Variants in EGFL7 observed in about 807,000 individuals in gnomAD.
EGFL7 encodes EGF like domain multiple 7.
In EGFL7, 48 loss-of-function variants were observed where a neutral mutation model predicts 37.1. The ratio of observed to expected loss-of-function variants is 1.29; its 90% CI spans 1.03 to 1.65. EGFL7 has a LOEUF of 1.65. Ranked by LOEUF, EGFL7 falls within the 40% of genes most tolerant of loss-of-function variation. The pLI is 0.00. For missense variants in EGFL7, 384 were observed against 378.9 expected (o/e 1.01, Z -0.11); for synonymous variants, 180 against 156.8 (o/e 1.15, Z -1.10).
upstream of EGFL7, among the ~76,000 whole-genome samples, chr9:136,659,908 C>A (rs1845033065): frequency 6.6e-6 from 1 of 152,204 alleles, no homozygotes; most frequent in Non-Finnish European, 1.5e-5. Context: ...CCAGGTCTCC[C>A]CCTCTGTGCT....
intron 6 of EGFL7, 78 bp downstream of exon 6, chr9:136,669,799 T>A: frequency 6.9e-7 from 1 of 1,451,668 alleles, no homozygotes; most frequent in Non-Finnish European, 9.3e-7. Flanking sequence ...CCTGCTGCTT[T>A]TCTTGAACCC....
chr9:136,672,283 G>A lies in EGFL7; in HGVS notation c.819G>A (p.Ser273=), dbSNP rs148608089. The change falls in exon 11 of 11, where the codon TCG becomes TCA. Residue 273 remains serine, a synonymous_variant. Coordinates refer to ENST00000308874, the MANE Select transcript of EGFL7 (RefSeq NM_016215.5). ...QLGSCSCKKD[S] Reference sequence around the variant, plus strand: ...CCCTAGGCTCCTGCAAGAAAGACTCGTGACTGCCCAGCGCCCCAGGCTGGA... The same window carrying A: ...CCCTAGGCTCCTGCAAGAAAGACTCATGACTGCCCAGCGCCCCAGGCTGGA... 2.1e-4 allele frequency: 342 copies of A among 1,613,332 alleles called. No homozygotes were observed. Among genetic ancestry groups the A allele is most frequent in the Middle Eastern group, 3.3e-4 (2 of 6,062 alleles).
At chr9:136,665,453 C>A (rs147182274) in intron 3 of EGFL7, among the ~76,000 whole-genome samples, 1 of 152,244 alleles carries the variant, frequency 6.6e-6, no homozygotes, top group African/African-American at 2.4e-5. Flanking sequence ...CCCGCAGCCC[C>A]GTCAGTGTGG....
At chr9:136,671,876 G>A (rs1339368083) in intron 9 of EGFL7, 50 bp from the exon 10 acceptor site, 1 of 1,448,798 alleles carries the variant, frequency 6.9e-7, no homozygotes, top group Non-Finnish European at 9.1e-7. Flanking sequence ...CCCCGGTGGA[G>A]CAGAGAGGGC....
chr9:136,672,408 C>CCTTCCTCCT lies in EGFL7; in HGVS notation c.*133_*141dup, dbSNP rs559669314. 8.9e-4 allele frequency: 1,072 copies of CCTTCCTCCT among 1,205,658 alleles called. 3 individuals carry two copies. In the African/African-American group the frequency reaches 0.015, roughly 17 times the overall value. 74.7% of individuals were successfully genotyped at this position (1,205,658 alleles called of 1,614,324 possible). ...TGACTGAGCGGAAGGCCAGGCAGGG[C>CCTTCCTCCT]CTTCCTCCTCTTCCTCCTCCCCTTC... is the stretch of plus-strand genomic sequence containing the variant. On this transcript the variant is annotated 3_prime_UTR_variant, in exon 11 of 11. Transcript: ENST00000308874.
upstream of EGFL7, among the ~76,000 whole-genome samples, chr9:136,662,062 T>C (rs1845180824): frequency 6.7e-6 from 1 of 148,428 alleles, no homozygotes; most frequent in Non-Finnish European, 1.5e-5. Flanking sequence ...CCCACTGCCG[T>C]GTGAACAGGG....
At chr9:136,669,421 C>T (rs893886883) in intron 5 of EGFL7, among the ~76,000 whole-genome samples, 185 bp from the exon 6 acceptor site, 2 of 152,212 alleles carry the variant, frequency 1.3e-5, no homozygotes, top group Non-Finnish European at 2.9e-5. Context: ...TGAGTCCCGG[C>T]CAGCACCGGA....
chr9:136,666,319 C>T lies in EGFL7; in HGVS notation c.-43+1534C>T, dbSNP rs938994900. Among the ~76,000 whole-genome samples the T allele has an allele frequency of 6.6e-6, 1 of 151,814 alleles. No individual in the cohort carries two copies. The highest frequency in any genetic ancestry group is 2.1e-4 in the South Asian group (1 of 4,826). On this transcript the variant is annotated intron_variant, in intron 3 of 10. Coordinates refer to ENST00000308874, the MANE Select transcript of EGFL7 (RefSeq NM_016215.5). This position sits in a 1 kb window ranked among gnomAD's most constrained non-coding sequence, Gnocchi z 6.8. ...GGGTCCGCCAGTGCCTGCGGCGCAGCCAGGCCCCTCCCTCTGCGGACCCGG... is the reference window on the plus strand; with the variant it reads ...GGGTCCGCCAGTGCCTGCGGCGCAGTCAGGCCCCTCCCTCTGCGGACCCGG...
chr9:136,663,685 C>T (rs1845285296), intron 2 of EGFL7, 62 bp downstream of exon 2: 1 of 152,266 alleles, frequency 6.6e-6, no homozygotes, highest in South Asian at 2.1e-4. Context: ...AAATGGGTGA[C>T]TCTGTGGGCC....
chr9:136,668,292 T>G lies in EGFL7; in HGVS notation c.10T>G (p.Ser4Ala). The change falls in exon 4 of 11, where the codon TCT becomes GCT. Residue 4 changes from serine to alanine, a missense_variant. By Grantham distance (99) the Ser-to-Ala change is moderately conservative. Coordinates refer to ENST00000308874, the MANE Select transcript of EGFL7 (RefSeq NM_016215.5). ...CCTGGAGGCACAGGCCATGAGGGGC[T>G]CTCAGGAGGTGCTGCTGATGTGGCT... MRG[S>A]QEVLLMWLLV... The G allele has an allele frequency of 1.9e-6, 3 of 1,606,652 alleles. No homozygotes were observed. Among genetic ancestry groups the G allele is most frequent in the Non-Finnish European group, 2.5e-6 (3 of 1,177,156 alleles).
rs190933701 is a variant in EGFL7, at chr9:136,666,736, C to G, written c.-42-1505C>G. Among the ~76,000 whole-genome samples, 516 of 152,238 alleles carry G rather than the reference C, an allele frequency of 3.4e-3. 16 individuals are homozygous for G. Among genetic ancestry groups the G allele is most frequent in the Admixed American group, 0.031 (467 of 15,296 alleles). On this transcript the variant is annotated intron_variant, in intron 3 of 10. Transcript: ENST00000308874. This position sits in a 1 kb window ranked among gnomAD's most constrained non-coding sequence, Gnocchi z 6.8. ...CCACATCAAGCCGCCGGGCCGCTGC[C>G]CTACCTCTTCCTTCCCGGGTCCCAC...
intron 9 of EGFL7, among the ~76,000 whole-genome samples, chr9:136,671,570 C>G (rs1845902809): frequency 1.3e-5 from 2 of 151,786 alleles, no homozygotes; most frequent in Non-Finnish European, 2.9e-5. Flanking sequence ...CTTGACAGCC[C>G]CCCAGACAAT....
chr9:136,665,207 C>T (rs987347513), intron 3 of EGFL7, among the ~76,000 whole-genome samples: 3 of 152,168 alleles, frequency 2.0e-5, no homozygotes, highest in African/African-American at 7.2e-5. Flanking sequence ...GCGCAGGGGC[C>T]CCCAACCTAA....
chr9:136,668,372 G>T lies in EGFL7; in HGVS notation c.80+10G>T, dbSNP rs775105762. 2 of 1,585,068 alleles carry T rather than the reference G, an allele frequency of 1.3e-6. No individual in the cohort carries two copies. The highest frequency in any genetic ancestry group is 1.2e-5 in the South Asian group (1 of 86,924). On this transcript the variant is annotated intron_variant, in intron 4 of 10. Transcript: ENST00000308874. ...ACGCCTACCGGCCCGGGTGAGCCAA[G>T]CCCTAGCCTGGGAGTGCTGGGGTGG...
upstream of EGFL7, among the ~76,000 whole-genome samples, chr9:136,659,876 T>C (rs1845029917): frequency 2.0e-5 from 3 of 152,132 alleles, no homozygotes; most frequent in Admixed American, 1.3e-4. Context: ...GGCGCAGGCC[T>C]TGGGGTGGCC....
intron 9 of EGFL7, 85 bp downstream of exon 9, chr9:136,671,099 C>T (rs1845844071): frequency 8.8e-7 from 1 of 1,135,182 alleles, no homozygotes; most frequent in Non-Finnish European, 1.2e-6. Context: ...GCAGGCAGTC[C>T]AGGGTGAACC....
Position 136,669,902 on chromosome 9 carries a change from C to T in EGFL7, c.314-12C>T, listed in dbSNP as rs1418373911. The T allele has an allele frequency of 6.4e-7, 1 of 1,571,928 alleles. No individual in the cohort carries two copies. The highest frequency in any genetic ancestry group is 1.8e-5 in the Admixed American group (1 of 55,142). On this transcript the variant is annotated splice_polypyrimidine_tract_variant and intron_variant, in intron 6 of 10. Transcript: ENST00000308874. ...CCCAACTGAGCTGGTGACCAGCCTC[C>T]CCCGCCCACAGCAATATGCCAGCCG...
chr9:136,672,121 C>T (rs766459224), intron 10 of EGFL7, 33 bp downstream of exon 10: 147 of 1,551,882 alleles, frequency 9.5e-5, no homozygotes, highest in African/African-American at 5.7e-4. Flanking sequence ...GCCCTCCTCC[C>T]GGGTCTGGGC....
intron 7 of EGFL7, 42 bp downstream of exon 7, chr9:136,670,051 G>T: frequency 6.3e-7 from 1 of 1,590,666 alleles, no homozygotes; most frequent in South Asian, 1.1e-5. Context: ...AAGGGTCCTG[G>T]GCACCTCCTT....
Sources: allele counts gnomAD v4.1 joint callset (sites outside exome capture counted in the v4.1 genomes callset), GRCh38; gene constraint gnomAD v4.1.1; non-coding constraint Gnocchi (gnomAD v3.1); transcripts MANE v1.5; gene names NCBI Gene and HGNC (gene_info 2026-07-23, HGNC 2026-07-21).